Variants in NAALADL2 observed in about 807,000 individuals in gnomAD.
NAALADL2 encodes the protein inactive N-acetylated-alpha-linked acidic dipeptidase-like protein 2.
A neutral mutation model predicts 87.2 loss-of-function variants in NAALADL2; 76 were observed. The ratio of observed to expected loss-of-function variants is 0.87; its 90% CI spans 0.72 to 1.05. The LOEUF is 1.05. NAALADL2 is among the 50% of genes least tolerant of loss of function. The pLI is 0.00. For synonymous variants in NAALADL2, 354 were observed against 331.0 expected, an observed-to-expected ratio of 1.07 and a Z score of -0.75; for missense variants, 1,089 against 945.8, an observed-to-expected ratio of 1.15 and a Z score of -1.99.
At chr3:174,949,338 G>A (rs577167288) in intron 1 of NAALADL2, among the ~76,000 whole-genome samples, 7 of 152,052 alleles carry the variant, frequency 4.6e-5, no homozygotes, top group East Asian at 1.9e-4. Context: ...ACCTAGCCTC[G>A]AAAGTCACAT....
chr3:174,692,173 C>T (rs1258514722), intron 2 of NAALADL2: 1 of 152,208 alleles, frequency 6.6e-6, no homozygotes, highest in Admixed American at 6.5e-5. Flanking sequence ...TGTATGGCAG[C>T]TGTAACCTTA....
intron 12 of NAALADL2, among the ~76,000 whole-genome samples, chr3:175,744,606 A>G (rs546298071): frequency 9.0e-4 from 137 of 152,226 alleles, no homozygotes; most frequent in Non-Finnish European, 1.6e-3. Flanking sequence ...TTTAAACTAT[A>G]CATTTTTATA....
intron 1 of NAALADL2, among the ~76,000 whole-genome samples, chr3:174,993,663 A>G (rs1305660562): frequency 6.6e-6 from 1 of 152,186 alleles, no homozygotes. Context: ...GATGTAAGCC[A>G]TGCTATTAAG....
intron 9 of NAALADL2, among the ~76,000 whole-genome samples, chr3:175,491,006 A>G (rs1406342721): frequency 1.3e-5 from 2 of 152,152 alleles, no homozygotes; most frequent in East Asian, 1.9e-4. Flanking sequence ...ACAATTGAAC[A>G]CAAGGATGGA....
At chr3:174,733,690 G>T (rs1213413975) in intron 2 of NAALADL2, among the ~76,000 whole-genome samples, 1 of 152,208 alleles carries the variant, frequency 6.6e-6, no homozygotes, top group Non-Finnish European at 1.5e-5. Flanking sequence ...ACTAACACAA[G>T]TATTGCCATG....
chr3:175,801,143 A>G (rs1482550009), intron 13 of NAALADL2, among the ~76,000 whole-genome samples: 1 of 152,138 alleles, frequency 6.6e-6, no homozygotes, highest in Non-Finnish European at 1.5e-5. Flanking sequence ...CCCTGATTCC[A>G]TCTTTTCAAA....
At chr3:175,301,892 T>A (rs1757129208) in intron 4 of NAALADL2, among the ~76,000 whole-genome samples, 2 of 152,188 alleles carry the variant, frequency 1.3e-5, no homozygotes, top group Admixed American at 6.5e-5. Context: ...TATGCATATA[T>A]GATAAACTCT....
intron 2 of NAALADL2, among the ~76,000 whole-genome samples, chr3:174,677,258 C>A (rs1578514154): frequency 6.6e-6 from 1 of 151,924 alleles, no homozygotes; most frequent in Non-Finnish European, 1.5e-5. Context: ...TAGTTTTGCA[C>A]ACTTTTGGAC....
In NAALADL2 at chr3:175,229,481, A is replaced by G. The variant is rs57914359; in HGVS notation, c.546-4450A>G. ...AATTTGTTCAGGCTGCTATAACAAA[A>G]TGCCTTAAATTAGATAATTAGTAAA... On this transcript the variant is annotated intron_variant, in intron 2 of 13. Transcript: ENST00000454872. Among the ~76,000 whole-genome samples the G allele has an allele frequency of 2.9e-3, 440 of 152,146 alleles. 3 individuals are homozygous for G. Among genetic ancestry groups the G allele is most frequent in the African/African-American group, 0.01 (417 of 41,550 alleles).
At chr3:175,109,677 C>T (rs1723844234) in intron 2 of NAALADL2, among the ~76,000 whole-genome samples, 1 of 151,946 alleles carries the variant, frequency 6.6e-6, no homozygotes, top group African/African-American at 2.4e-5. Context: ...GAGGGTGGAT[C>T]AGCCCCTCTT....
chr3:175,610,129 T>C (rs928481357), intron 10 of NAALADL2, among the ~76,000 whole-genome samples: 20 of 152,176 alleles, frequency 1.3e-4, no homozygotes, highest in African/African-American at 4.8e-4. Context: ...TCTTATCCAT[T>C]TACACATTAA....
At chr3:174,923,273 A>C (rs1735499551) in intron 1 of NAALADL2, among the ~76,000 whole-genome samples, 2 of 152,218 alleles carry the variant, frequency 1.3e-5, no homozygotes, top group South Asian at 4.1e-4. Flanking sequence ...AGTTGAAATA[A>C]CTAGAACAAC....
intron 2 of NAALADL2, among the ~76,000 whole-genome samples, chr3:175,118,224 G>T (rs529283168): frequency 5.9e-5 from 9 of 151,766 alleles, no homozygotes; most frequent in African/African-American, 2.2e-4. Flanking sequence ...AAACCTGCAC[G>T]TTGTGCACAT....
chr3:175,763,015 C>A (rs1264075492), intron 13 of NAALADL2, among the ~76,000 whole-genome samples: 3 of 151,950 alleles, frequency 2.0e-5, no homozygotes, highest in Admixed American at 2.0e-4. Context: ...ACCCAGGAGG[C>A]GGAGCTTGCA....
In NAALADL2 at chr3:174,526,678, CTT is replaced by C. The variant is rs11333906; in HGVS notation, c.-183-23877_-183-23876del. 2.6e-3 allele frequency among the ~76,000 whole-genome samples: 363 copies of C among 138,252 alleles called. 1 individual carries two copies. The highest frequency in any genetic ancestry group is 7.9e-3 in the African/African-American group (297 of 37,388). 90.7% of individuals were successfully genotyped at this position (138,252 alleles called of 152,430 possible). A position where few individuals can be genotyped will look rare whatever the true frequency, so the allele number is the denominator to read the frequency against. ...TAACACTGAAATTGTTTTTCTTTTT[CTT>C]TTTTTTTTTTTTTGAGATGGAGTCT... is the stretch of plus-strand genomic sequence containing the variant. On this transcript the variant is annotated intron_variant, in intron 1 of 3. Coordinates refer to the NAALADL2 transcript ENST00000434257.
At chr3:175,198,188 G>A (rs1164350422) in intron 2 of NAALADL2, among the ~76,000 whole-genome samples, 2 of 151,986 alleles carry the variant, frequency 1.3e-5, no homozygotes, top group Non-Finnish European at 2.9e-5. Context: ...TTGTTCCCCA[G>A]TACTCACTCC....
At chr3:174,866,629 G>A (rs187706127) in intron 1 of NAALADL2, among the ~76,000 whole-genome samples, 3 of 151,664 alleles carry the variant, frequency 2.0e-5, no homozygotes, top group African/African-American at 7.2e-5. Flanking sequence ...CATTTATTTT[G>A]GTTAATGAAG....
At chr3:174,536,798 G>A (rs1469701184) in intron 1 of NAALADL2, 1 of 152,116 alleles carries the variant, frequency 6.6e-6, no homozygotes, top group Non-Finnish European at 1.5e-5. Flanking sequence ...GCATCCAGAT[G>A]TCAATTGTTT....
At chr3:174,590,050 G>T (rs1717188644) in intron 2 of NAALADL2, among the ~76,000 whole-genome samples, 1 of 152,012 alleles carries the variant, frequency 6.6e-6, no homozygotes, top group South Asian at 2.1e-4. Context: ...AGGAAAAGCA[G>T]AATTCTTTTT....
Sources: allele counts gnomAD v4.1 joint callset (sites outside exome capture counted in the v4.1 genomes callset), GRCh38; gene constraint gnomAD v4.1.1; transcripts MANE v1.5; gene names NCBI Gene and HGNC (gene_info 2026-07-23, HGNC 2026-07-21).